CACNA1S: variants seen among roughly 807,000 people sequenced by gnomAD.
CACNA1S encodes the protein calcium voltage-gated channel subunit alpha1 S.
A neutral mutation model predicts 207.4 loss-of-function variants in CACNA1S; 126 were observed. The observed-to-expected ratio is 0.61, with a 90% CI of 0.53 to 0.70. The LOEUF (loss-of-function observed/expected upper bound fraction) is 0.70, where lower values mean the gene tolerates loss of function less well. Among genes scored for constraint, CACNA1S ranks in the 30% least tolerant of loss-of-function variants. CACNA1S has a pLI of 0.00. For missense variants in CACNA1S, 2,349 were observed against 2,422.8 expected (o/e 0.97, Z 0.64); for synonymous variants, 960 against 932.7 (o/e 1.03, Z -0.53).
chr1:201,072,853 A>G, intron 15 of CACNA1S, 29 bp from the exon 16 acceptor site: 1 of 1,586,200 alleles, frequency 6.3e-7, no homozygotes, highest in Non-Finnish European at 8.7e-7. Context: ...TGACTATAAC[A>G]ATGAAAAAGA....
At chr1:201,087,350 TA>T (rs34365975) in intron 7 of CACNA1S, among the ~76,000 whole-genome samples, 1 of 152,110 alleles carries the variant, frequency 6.6e-6, no homozygotes. Context: ...TGCAGGGATT[TA>T]AATGTGGGCA....
chr1:201,112,131 C>T, intron 1 of CACNA1S, 57 bp downstream of exon 1: 2 of 1,563,690 alleles, frequency 1.3e-6, no homozygotes, highest in South Asian at 2.3e-5. Flanking sequence ...TGTGATCACC[C>T]CGAATCCCTC....
intron 17 of CACNA1S, among the ~76,000 whole-genome samples, chr1:201,069,874 C>T (rs1044107517): frequency 6.6e-6 from 1 of 152,148 alleles, no homozygotes; most frequent in Non-Finnish European, 1.5e-5. Flanking sequence ...TGAGGTTTCC[C>T]ATCAAATGAA....
At chr1:201,083,411 C>A (rs910297208) in intron 9 of CACNA1S, 89 bp from the exon 10 acceptor site, 4 of 1,364,152 alleles carry the variant, frequency 2.9e-6, no homozygotes, top group Non-Finnish European at 4.2e-6. Flanking sequence ...TCCAGGCATG[C>A]GTAGCCTGAC....
At chr1:201,042,914 C>A (rs2279943) in intron 40 of CACNA1S, 132 of 221,946 alleles carry the variant, frequency 5.9e-4, no homozygotes, top group African/African-American at 3.5e-3. Context: ...TCCTTGGAAC[C>A]TAAATCCAGT....
At chr1:201,072,898 G>A in intron 15 of CACNA1S, 74 bp from the exon 16 acceptor site, 15 of 1,087,718 alleles carry the variant, frequency 1.4e-5, no homozygotes, top group Non-Finnish European at 2.0e-5. Context: ...ATATACTGGA[G>A]AGCCTGTTAG....
At chr1:201,079,562 C>A (rs1422261551) in intron 10 of CACNA1S, among the ~76,000 whole-genome samples, 1 of 98,768 alleles carries the variant, frequency 1.0e-5, no homozygotes, top group African/African-American at 4.3e-5. Flanking sequence ...CCTACCCCTC[C>A]ACTTTCTTTC....
At chr1:201,090,369 T>C (rs540095566) in intron 5 of CACNA1S, among the ~76,000 whole-genome samples, 9 of 152,244 alleles carry the variant, frequency 5.9e-5, no homozygotes, top group South Asian at 2.1e-4. Flanking sequence ...TATGATAGGA[T>C]GTAGATTGTG....
chr1:201,055,476 G>C (rs1198282471), intron 28 of CACNA1S, among the ~76,000 whole-genome samples: 1 of 152,226 alleles, frequency 6.6e-6, no homozygotes, highest in Non-Finnish European at 1.5e-5. Context: ...ATTCTCATAT[G>C]CAAGCAAGGA....
chr1:201,075,362 C>G, intron 13 of CACNA1S, 133 bp downstream of exon 13: 1 of 988,422 alleles, frequency 1.0e-6, no homozygotes, highest in Non-Finnish European at 1.6e-6. Context: ...CCCCCTACCG[C>G]ATGGGCCTGG....
rs1661034260 is a variant in CACNA1S at position 201,061,210 on chromosome 1, G to A, written c.3255+57C>T. 2.7e-6 allele frequency: 4 copies of A among 1,484,034 alleles called. No individual in the cohort carries two copies. The South Asian group carries it at 4.6e-5, about 17-fold the overall frequency. The allele number at this position is 1,484,034 out of a possible 1,614,324, so 91.9% of individuals were successfully genotyped here. On this transcript the variant is annotated intron_variant, in intron 25 of 43. Transcript: ENST00000362061. ...TTCCCTGGCTGAACCTAGGGCTTGG[G>A]CCAGCAGGAGGCCTGCTGGAGCTCT...
At chr1:201,056,824 G>T (rs1253706059) in intron 28 of CACNA1S, among the ~76,000 whole-genome samples, 4 of 152,118 alleles carry the variant, frequency 2.6e-5, no homozygotes, top group African/African-American at 9.7e-5. Context: ...CATAAGGCAG[G>T]TCCTGCTGCT....
chr1:201,094,901 C>G (rs1459604325), intron 2 of CACNA1S, among the ~76,000 whole-genome samples: 1 of 152,032 alleles, frequency 6.6e-6, no homozygotes, highest in Non-Finnish European at 1.5e-5. Context: ...ACCTTTCCCC[C>G]TCTTCTGGGC....
At position 201,089,454 on chromosome 1, in the gene CACNA1S, G is replaced by C. The variant is rs1209511803; in HGVS notation, c.704C>G (p.Ala235Gly). 1 of 1,613,946 alleles carries C rather than the reference G, an allele frequency of 6.2e-7. No individual in the cohort carries two copies. The highest frequency in any genetic ancestry group is 8.5e-7 in the Non-Finnish European group (1 of 1,179,994). ...CGATGGCTCTTCATTCTCCACCGTGGCCACGATATCTGGAGGCAGAAGGCA... is the reference window on the plus strand; with the variant it reads ...CGATGGCTCTTCATTCTCCACCGTGCCCACGATATCTGGAGGCAGAAGGCA... ...TCYFIGTDIV[A>G]TVENEEPSPC... is the part of the protein sequence containing the mutation. Residue 235 changes from alanine to glycine, a missense_variant, in exon 6 of 44, where the codon GCC (alanine) becomes GGC (glycine). Physicochemically the swap from Ala to Gly is moderately conservative, Grantham distance 60. Coordinates refer to ENST00000362061, the MANE Select transcript of CACNA1S (RefSeq NM_000069.3).
intron 13 of CACNA1S, 38 bp downstream of exon 13, chr1:201,075,457 C>CCCCAG: frequency 6.2e-7 from 1 of 1,606,274 alleles, no homozygotes; most frequent in Non-Finnish European, 8.5e-7. Flanking sequence ...CCACCCCCTC[C>CCCCAG]CTAAGCTCTT....
chr1:201,077,327 C>T (rs191828349), intron 11 of CACNA1S, among the ~76,000 whole-genome samples, 200 bp from the exon 12 acceptor site: 3 of 152,216 alleles, frequency 2.0e-5, no homozygotes, highest in Non-Finnish European at 2.9e-5. Context: ...TGTAATTTCA[C>T]GCTGGTTAAT....
At chr1:201,055,202 C>T (rs1240634841) in intron 28 of CACNA1S, among the ~76,000 whole-genome samples, 2 of 152,204 alleles carry the variant, frequency 1.3e-5, no homozygotes, top group African/African-American at 4.8e-5. Context: ...TGTTCTGCAG[C>T]CCTGGGTCAA....
rs1661249710 is a variant in CACNA1S at position 201,066,579 on chromosome 1, C to T, written c.2658-263G>A. ...CCCTGTGGGTGGCTAGAAGCTCCGT[C>T]CCTCCCGTCAGACGGTGAGCACCCC... On this transcript the variant is annotated intron_variant, in intron 20 of 43. Transcript: ENST00000362061. This position sits in a 1 kb window ranked among gnomAD's most constrained non-coding sequence, Gnocchi z 4.3. Among the ~76,000 whole-genome samples the T allele has an allele frequency of 6.6e-6, 1 of 152,212 alleles. No individual in the cohort carries two copies. The highest frequency in any genetic ancestry group is 1.5e-5 in the Non-Finnish European group (1 of 68,026).
chr1:201,052,432 A>G, intron 32 of CACNA1S, 125 bp downstream of exon 32: 1 of 751,362 alleles, frequency 1.3e-6, no homozygotes, highest in East Asian at 2.5e-5. Flanking sequence ...TTCTGAGTAT[A>G]GGACCCTGTG....
Sources: gnomAD v4.1 joint callset for allele counts (sites outside exome capture counted in the v4.1 genomes callset) on GRCh38, gnomAD v4.1.1 for gene constraint, Gnocchi (gnomAD v3.1) non-coding constraint, MANE v1.5 for transcripts, NCBI Gene and HGNC (gene_info 2026-07-23, HGNC 2026-07-21) for gene names.